SHISAL2B: variants seen among roughly 807,000 people sequenced by gnomAD.
SHISAL2B encodes protein shisa-like-2B.
A neutral mutation model predicts 16.5 loss-of-function variants in SHISAL2B; 12 were observed. The observed-to-expected ratio is 0.73, with a 90% CI of 0.47 to 1.18. SHISAL2B has a LOEUF of 1.18. Among genes scored for constraint, SHISAL2B ranks in the 50% most tolerant of loss-of-function variants. The pLI is 0.00. For missense variants in SHISAL2B, 183 were observed against 193.6 expected (o/e 0.95, Z 0.33); for synonymous variants, 72 against 75.0 (o/e 0.96, Z 0.21).
At chr5:64,712,774 A>G (rs1357334409) in intron 2 of SHISAL2B, among the ~76,000 whole-genome samples, 1 of 152,122 alleles carries the variant, frequency 6.6e-6, no homozygotes, top group Non-Finnish European at 1.5e-5. Flanking sequence ...TGTTGAATTG[A>G]TCCCTTTACC....
chr5:64,694,205 T>A (rs532799528), intron 1 of SHISAL2B: 164 of 401,834 alleles, frequency 4.1e-4, no homozygotes, highest in African/African-American at 3.0e-3. Context: ...TACAGGTAGA[T>A]CAATTGGCAG....
intron 2 of SHISAL2B, among the ~76,000 whole-genome samples, chr5:64,699,872 C>A (rs1402076031): frequency 6.6e-6 from 1 of 152,026 alleles, no homozygotes; most frequent in African/African-American, 2.4e-5. Context: ...AAGGCTCCAA[C>A]GTTTGGAATG....
intron 2 of SHISAL2B, among the ~76,000 whole-genome samples, chr5:64,699,244 T>G (rs2112060115): frequency 6.6e-6 from 1 of 152,354 alleles, no homozygotes; most frequent in Admixed American, 6.5e-5. Context: ...GATCAGTGAC[T>G]TCCTGCTGCT....
At chr5:64,713,909 C>T (rs1428897100) in intron 2 of SHISAL2B, among the ~76,000 whole-genome samples, 1 of 86,670 alleles carries the variant, frequency 1.2e-5, no homozygotes, top group Non-Finnish European at 2.0e-5. Flanking sequence ...TTAAGCACTT[C>T]TCTGTATTGG....
chr5:64,690,749 C>G lies in SHISAL2B; in HGVS notation c.126C>G (p.Leu42=), dbSNP rs778766085. ...ALQYCCGFAD[L]KYCCSEPGSY... ...AGTATTGCTGCGGCTTCGCCGACCT[C>G]AAGTACTGCTGCAGCGAGCCGGGCA... The change falls in exon 1 of 3, where the codon CTC becomes CTG. Residue 42 remains leucine (L), a synonymous_variant. Coordinates refer to ENST00000389074, the MANE Select transcript of SHISAL2B (RefSeq NM_001164442.2). 1 of 1,542,816 alleles carries G rather than the reference C, an allele frequency of 6.5e-7. No homozygotes were observed. The highest frequency in any genetic ancestry group is 1.2e-5 in the South Asian group (1 of 84,342).
chr5:64,700,441 C>T lies in SHISAL2B; in HGVS notation c.349+4777C>T, dbSNP rs146136880. On this transcript the variant is annotated intron_variant, in intron 2 of 2. Transcript: ENST00000389074. ...GTTTATTTATTTAGAGACAGAGTCT[C>T]GCTCTGTTGCCCAGGCTGGAGTATG... Among the ~76,000 whole-genome samples the T allele has an allele frequency of 4.2e-3, 632 of 152,266 alleles. 2 individuals carry two copies. The highest frequency in any genetic ancestry group is 0.014 in the African/African-American group (587 of 41,542).
At chr5:64,703,448 A>G (rs1428582770) in intron 2 of SHISAL2B, among the ~76,000 whole-genome samples, 1 of 152,240 alleles carries the variant, frequency 6.6e-6, no homozygotes, top group Non-Finnish European at 1.5e-5. Context: ...CAAATTGCTC[A>G]ATAGAGCTAC....
At chr5:64,714,616 A>T (rs969918373) in intron 2 of SHISAL2B, among the ~76,000 whole-genome samples, 1 of 152,110 alleles carries the variant, frequency 6.6e-6, no homozygotes, top group Non-Finnish European at 1.5e-5. Context: ...AGCCTGGGCA[A>T]TGGTGGGCGC....
At chr5:64,705,713 T>C (rs1365119781) in intron 2 of SHISAL2B, among the ~76,000 whole-genome samples, 1 of 152,216 alleles carries the variant, frequency 6.6e-6, no homozygotes, top group East Asian at 1.9e-4. Flanking sequence ...CCAAAATATC[T>C]GAGACAGGTC....
chr5:64,709,300 T>C (rs1435514585), intron 2 of SHISAL2B, among the ~76,000 whole-genome samples: 1 of 151,366 alleles, frequency 6.6e-6, no homozygotes, highest in East Asian at 1.9e-4. Flanking sequence ...TGGTTTTTTG[T>C]TCTTGCGATA....
chr5:64,695,086 G>A (rs1741713421), intron 1 of SHISAL2B, among the ~76,000 whole-genome samples: 1 of 152,048 alleles, frequency 6.6e-6, no homozygotes, highest in Admixed American at 6.6e-5. Flanking sequence ...GCAACATGGT[G>A]AAACCCCGTT....
chr5:64,694,053 G>T, intron 1 of SHISAL2B: 3 of 454,924 alleles, frequency 6.6e-6, no homozygotes, highest in South Asian at 4.7e-5. Context: ...TGGCATCCCT[G>T]GTCAAATTCT....
At chr5:64,704,862 A>G (rs2112065314) in intron 2 of SHISAL2B, among the ~76,000 whole-genome samples, 1 of 152,302 alleles carries the variant, frequency 6.6e-6, no homozygotes, top group Admixed American at 6.5e-5. Flanking sequence ...TATTATCACT[A>G]TAGCTCCACT....
chr5:64,693,370 C>T (rs1347229951), intron 1 of SHISAL2B, among the ~76,000 whole-genome samples: 1 of 152,262 alleles, frequency 6.6e-6, no homozygotes, highest in East Asian at 1.9e-4. Context: ...TTATGAAGAA[C>T]ATTCTTTTTT....
chr5:64,695,002 C>T (rs796306578), intron 1 of SHISAL2B, among the ~76,000 whole-genome samples: 7 of 152,262 alleles, frequency 4.6e-5, no homozygotes, highest in African/African-American at 1.4e-4. Context: ...CGGTGGCTCA[C>T]GTCTGTAATC....
intron 2 of SHISAL2B, among the ~76,000 whole-genome samples, chr5:64,712,353 G>A (rs1289614048): frequency 6.6e-6 from 1 of 152,166 alleles, no homozygotes; most frequent in African/African-American, 2.4e-5. Context: ...GCGGCTTTGA[G>A]TGAGATTATT....
At position 64,690,558 on chromosome 5, in the gene SHISAL2B, T is replaced by G; in HGVS notation, c.-66T>G. On this transcript the variant is annotated 5_prime_UTR_variant, in exon 1 of 3. Coordinates refer to ENST00000389074, the MANE Select transcript of SHISAL2B (RefSeq NM_001164442.2). ...CAGAGGGGTCCGCGGGCTCTGGAGG[T>G]GCTGGACGGGTGCGATCCGAGAGCA... 1 of 1,331,136 alleles carries G rather than the reference T, an allele frequency of 7.5e-7. No homozygotes were observed. Among genetic ancestry groups the G allele is most frequent in the South Asian group, 1.6e-5 (1 of 61,604 alleles). 82.5% of individuals were successfully genotyped at this position (1,331,136 alleles called of 1,614,324 possible).
At chr5:64,700,652 A>G (rs903986697) in intron 2 of SHISAL2B, among the ~76,000 whole-genome samples, 1 of 152,126 alleles carries the variant, frequency 6.6e-6, no homozygotes, top group Non-Finnish European at 1.5e-5. Context: ...ACCTCAAATG[A>G]TCCACCTGTG....
At chr5:64,712,447 T>C (rs1398326658) in intron 2 of SHISAL2B, among the ~76,000 whole-genome samples, 2,015 of 151,070 alleles carry the variant, frequency 0.013, 17 homozygotes, top group Non-Finnish European at 0.015. Flanking sequence ...CTGAGGAGAG[T>C]TTTACTTCCA....
Sources: allele counts gnomAD v4.1 joint callset (sites outside exome capture counted in the v4.1 genomes callset), GRCh38; gene constraint gnomAD v4.1.1; transcripts MANE v1.5; gene names NCBI Gene and HGNC (gene_info 2026-07-23, HGNC 2026-07-21).